The following EFCAB5 variants were observed in gnomAD, a reference collection of about 807,000 sequenced individuals.
The protein encoded by EFCAB5 is EF-hand calcium-binding domain-containing protein 5.
A neutral mutation model predicts 167.9 loss-of-function variants in EFCAB5; 131 were observed. The ratio of observed to expected loss-of-function variants is 0.78; its 90% CI spans 0.68 to 0.90. The LOEUF (loss-of-function observed/expected upper bound fraction) is 0.90, where lower values mean the gene tolerates loss of function less well. EFCAB5 is among the 40% of genes least tolerant of loss of function. EFCAB5 has a pLI of 0.00. For missense variants in EFCAB5, 1,663 were observed against 1,745.2 expected, an observed-to-expected ratio of 0.95 and a Z score of 0.84; for synonymous variants, 574 against 602.8, an observed-to-expected ratio of 0.95 and a Z score of 0.70.
Position 30,067,958 on chromosome 17 carries a change from T to A in EFCAB5, c.2737+8257T>A, listed in dbSNP as rs2070619977. Among the ~76,000 whole-genome samples the A allele has an allele frequency of 2.0e-5, 3 of 152,142 alleles. No individual in the cohort carries two copies. In the South Asian group the frequency reaches 6.2e-4, roughly 31 times the overall value. On this transcript the variant is annotated intron_variant, in intron 14 of 22. Transcript: ENST00000394835. ...AAACCCTAAAAGCTCCACCAAAAAA[T>A]TATTAAAACGGATAAACGAATTCAG... is the stretch of plus-strand genomic sequence containing the variant.
At chr17:29,954,262 G>T (rs2067567926) in intron 3 of EFCAB5, among the ~76,000 whole-genome samples, 1 of 152,120 alleles carries the variant, frequency 6.6e-6, no homozygotes, top group African/African-American at 2.4e-5. Context: ...TGTCTCTGGG[G>T]CATGTCAGAG....
chr17:29,981,049 A>G (rs928689317), intron 4 of EFCAB5, among the ~76,000 whole-genome samples: 3 of 152,142 alleles, frequency 2.0e-5, no homozygotes, highest in Admixed American at 6.5e-5. Context: ...TCTTGCCTCC[A>G]CTATTGCAAT....
chr17:30,000,017 G>GT, intron 7 of EFCAB5, 41 bp downstream of exon 7: 1 of 1,450,366 alleles, frequency 6.9e-7, no homozygotes, highest in Admixed American at 2.1e-5. Flanking sequence ...GAATTATTTT[G>GT]TCAGTTTCAA....
At chr17:30,061,885 CCTGT>C (rs1473396970) in intron 14 of EFCAB5, among the ~76,000 whole-genome samples, 2 of 152,124 alleles carry the variant, frequency 1.3e-5, no homozygotes, top group Non-Finnish European at 2.9e-5. Context: ...CCCTTTTATT[CCTGT>C]CTAATACAGC....
At chr17:29,950,270 T>TCTTCCTTTCCTTCCTTCCTTC (rs1299902803) in intron 3 of EFCAB5, among the ~76,000 whole-genome samples, 1 of 151,628 alleles carries the variant, frequency 6.6e-6, no homozygotes, top group Non-Finnish European at 1.5e-5. Flanking sequence ...ATCCTTCCTT[T>TCTTCCTTTCCTTCCTTCCTTC]CTTCCTTTCC....
intron 8 of EFCAB5, among the ~76,000 whole-genome samples, chr17:30,048,153 T>C (rs1339611580): frequency 6.6e-6 from 1 of 152,208 alleles, no homozygotes. Flanking sequence ...GTTTATGTCA[T>C]AGGTCCAATT....
chr17:30,070,250 A>C (rs1425127817), intron 14 of EFCAB5, among the ~76,000 whole-genome samples: 1 of 152,198 alleles, frequency 6.6e-6, no homozygotes, highest in Non-Finnish European at 1.5e-5. Context: ...AAGAAAAAGA[A>C]AATGAAAAAT....
At chr17:30,028,254 G>C (rs1276907653) in intron 7 of EFCAB5, among the ~76,000 whole-genome samples, 1 of 152,090 alleles carries the variant, frequency 6.6e-6, no homozygotes, top group African/African-American at 2.4e-5. Context: ...AAAGAGAAAG[G>C]CTTCGTCAAC....
chr17:29,977,677 T>C (rs2068088261), intron 4 of EFCAB5, among the ~76,000 whole-genome samples: 1 of 152,192 alleles, frequency 6.6e-6, no homozygotes, highest in African/African-American at 2.4e-5. Flanking sequence ...ATGGAACATT[T>C]AATCCATAAA....
At chr17:29,938,837 T>C (rs757934036), upstream of EFCAB5, among the ~76,000 whole-genome samples, 1 of 152,212 alleles carries the variant, frequency 6.6e-6, no homozygotes, top group Non-Finnish European at 1.5e-5. Flanking sequence ...CTTCCTCCAC[T>C]GAAGTCCTGG....
intron 22 of EFCAB5, among the ~76,000 whole-genome samples, chr17:30,097,863 G>A (rs1400832378): frequency 2.0e-5 from 3 of 151,936 alleles, no homozygotes; most frequent in Non-Finnish European, 2.9e-5. Flanking sequence ...GTTCTATCAG[G>A]TAATTTATTA....
At chr17:29,999,011 C>G (rs988243584) in intron 6 of EFCAB5, among the ~76,000 whole-genome samples, 2 of 151,730 alleles carry the variant, frequency 1.3e-5, no homozygotes, top group African/African-American at 4.8e-5. Context: ...TTTTTTTCTT[C>G]TATTTTTGGT....
chr17:29,971,023 C>T (rs551879061), intron 4 of EFCAB5, among the ~76,000 whole-genome samples: 2 of 148,042 alleles, frequency 1.4e-5, no homozygotes, highest in Non-Finnish European at 3.0e-5. Context: ...TGCAGTGAGC[C>T]GAGATGCACC....
At chr17:30,069,001 C>T in intron 14 of EFCAB5, 1 of 1,438,762 alleles carries the variant, frequency 7.0e-7, no homozygotes, top group Non-Finnish European at 9.8e-7. Context: ...GATACATTCC[C>T]AGCAAGTGAA....
At chr17:30,044,824 T>C (rs181737878) in intron 8 of EFCAB5, among the ~76,000 whole-genome samples, 17 of 152,276 alleles carry the variant, frequency 1.1e-4, no homozygotes, top group Non-Finnish European at 2.2e-4. Context: ...AATTACAACA[T>C]ATAATTAAAA....
At chr17:30,097,043 CATATACATAT>C (rs1567777408) in intron 22 of EFCAB5, among the ~76,000 whole-genome samples, 11 of 77,258 alleles carry the variant, frequency 1.4e-4, no homozygotes, top group African/African-American at 9.3e-4. Flanking sequence ...TATACATATA[CATATACATAT>C]ATATATATTT....
chr17:30,089,489 G>C (rs2071153374), intron 19 of EFCAB5, among the ~76,000 whole-genome samples: 1 of 152,014 alleles, frequency 6.6e-6, no homozygotes, highest in South Asian at 2.1e-4. Flanking sequence ...AATGTAGATG[G>C]GGAAAGGGAA....
intron 22 of EFCAB5, among the ~76,000 whole-genome samples, chr17:30,100,253 C>T (rs1482657668): frequency 6.6e-6 from 1 of 152,080 alleles, no homozygotes; most frequent in Non-Finnish European, 1.5e-5. Flanking sequence ...TCCTAGGGTA[C>T]AGTAGTGAAT....
chr17:30,107,129 T>C (rs1465761152), intron 22 of EFCAB5, among the ~76,000 whole-genome samples: 1 of 152,252 alleles, frequency 6.6e-6, no homozygotes, highest in African/African-American at 2.4e-5. Flanking sequence ...GTTTGAATAT[T>C]AGTCATTGAC....
Sources: gnomAD v4.1 joint callset for allele counts (sites outside exome capture counted in the v4.1 genomes callset) on GRCh38, gnomAD v4.1.1 for gene constraint, MANE v1.5 for transcripts, NCBI Gene and HGNC (gene_info 2026-07-23, HGNC 2026-07-21) for gene names.